Variants in CCDC102B observed in about 807,000 individuals in gnomAD.
CCDC102B encodes the protein coiled-coil domain containing 102B.
CCDC102B carries 75 observed loss-of-function variants against 57.4 expected under a neutral mutation model. The observed-to-expected ratio is 1.31, with a 90% confidence interval of 1.08 to 1.58. The LOEUF (loss-of-function observed/expected upper bound fraction) is 1.58. Among genes scored for constraint, CCDC102B ranks in the 40% most tolerant of loss-of-function variants. The probability of loss-of-function intolerance (pLI) is 0.00; values close to 1 mark genes in which losing one functional copy is unlikely to be tolerated. For synonymous variants in CCDC102B, 206 were observed against 201.9 expected, an observed-to-expected ratio of 1.02 and a Z score of -0.17; for missense variants, 636 against 582.6, an observed-to-expected ratio of 1.09 and a Z score of -0.94.
upstream of CCDC102B, among the ~76,000 whole-genome samples, chr18:68,795,025 TAAA>T (rs5825874): frequency 5.9e-5 from 8 of 134,534 alleles, no homozygotes; most frequent in Admixed American, 1.5e-4. Context: ...AACTCGCCAG[TAAA>T]AAAAAAAAAA....
chr18:68,990,428 A>G (rs2050833549), intron 6 of CCDC102B, among the ~76,000 whole-genome samples: 1 of 152,108 alleles, frequency 6.6e-6, no homozygotes, highest in African/African-American at 2.4e-5. Flanking sequence ...TTGTTTAGGG[A>G]GGTGGGAAGA....
chr18:68,911,443 G>A (rs901085321), intron 6 of CCDC102B, among the ~76,000 whole-genome samples: 1 of 152,098 alleles, frequency 6.6e-6, no homozygotes, highest in African/African-American at 2.4e-5. Flanking sequence ...GGAGGGTGGT[G>A]GGTGGGAGGA....
chr18:69,000,003 A>T (rs2051158424), intron 6 of CCDC102B, among the ~76,000 whole-genome samples: 1 of 152,204 alleles, frequency 6.6e-6, no homozygotes, highest in Non-Finnish European at 1.5e-5. Context: ...GGAATTGTAG[A>T]AAAGAAATGT....
intron 1 of CCDC102B, among the ~76,000 whole-genome samples, chr18:68,803,481 G>A (rs562254789): frequency 3.5e-4 from 53 of 152,278 alleles, no homozygotes; most frequent in African/African-American, 1.2e-3. Context: ...CTTCTGTTAG[G>A]GTGAAGGATG....
rs142369602 is a variant in CCDC102B, at chr18:68,973,345, G to T, written c.1264-37589G>T. Among the ~76,000 whole-genome samples the T allele has an allele frequency of 2.7e-3, 406 of 152,162 alleles. 1 individual carries two copies. Among genetic ancestry groups the T allele is most frequent in the African/African-American group, 9.1e-3 (378 of 41,528 alleles). On this transcript the variant is annotated intron_variant, in intron 6 of 7. Coordinates refer to ENST00000360242, the MANE Select transcript of CCDC102B (RefSeq NM_024781.3). The stretch of plus-strand genomic sequence containing the variant: ...TTCAGGGAAATGTATAAATCACATA[G>T]TCCAAAAATAATAAATCAATTTTGT...
chr18:69,006,318 T>C (rs2051340086), intron 6 of CCDC102B, among the ~76,000 whole-genome samples: 1 of 152,180 alleles, frequency 6.6e-6, no homozygotes, highest in African/African-American at 2.4e-5. Flanking sequence ...AATGAGTGTG[T>C]GGGGAGATTC....
At chr18:68,794,386 C>T (rs1415208257), upstream of CCDC102B, among the ~76,000 whole-genome samples, 1 of 152,100 alleles carries the variant, frequency 6.6e-6, no homozygotes, top group African/African-American at 2.4e-5. Flanking sequence ...GGCAAAACTG[C>T]ACCACACAGC....
chr18:69,006,401 ATTT>A (rs1357306100), intron 6 of CCDC102B, among the ~76,000 whole-genome samples: 1 of 74,984 alleles, frequency 1.3e-5, no homozygotes, highest in East Asian at 4.1e-4. Context: ...AGATTTATTT[ATTT>A]ATTTATTTAT....
intron 7 of CCDC102B, among the ~76,000 whole-genome samples, chr18:69,052,572 A>G (rs957135922): frequency 6.6e-6 from 1 of 151,938 alleles, no homozygotes; most frequent in Non-Finnish European, 1.5e-5. Flanking sequence ...AAAGATCATC[A>G]TTAGGTAATT....
chr18:68,746,006 A>G (rs979565295), intron 2 of CCDC102B, among the ~76,000 whole-genome samples: 2 of 152,160 alleles, frequency 1.3e-5, no homozygotes, highest in Non-Finnish European at 2.9e-5. Flanking sequence ...TCCTGTATTT[A>G]TCTCATACAC....
At chr18:68,819,725 A>C (rs1280938740) in intron 1 of CCDC102B, among the ~76,000 whole-genome samples, 5 of 151,930 alleles carry the variant, frequency 3.3e-5, no homozygotes, top group Admixed American at 3.3e-4. Flanking sequence ...ATATTCCTTC[A>C]CTTATTTAGA....
chr18:68,825,580 C>G (rs1467859306), intron 1 of CCDC102B, among the ~76,000 whole-genome samples: 2 of 151,996 alleles, frequency 1.3e-5, no homozygotes, highest in Non-Finnish European at 2.9e-5. Flanking sequence ...GCCCCAGCTA[C>G]TCATGAGGCT....
Position 68,799,959 on chromosome 18 carries a change from A to G in CCDC102B, c.-16+1778A>G, listed in dbSNP as rs74846234. On this transcript the variant is annotated intron_variant, in intron 1 of 7. Coordinates refer to ENST00000360242, the MANE Select transcript of CCDC102B (RefSeq NM_024781.3). ...AAAGGGGACAATTGCAAGTTTCTGAAAAGAGGTGGAGTATCTGTGCCTCTT... is the reference window on the plus strand; with the variant it reads ...AAAGGGGACAATTGCAAGTTTCTGAGAAGAGGTGGAGTATCTGTGCCTCTT... Among the ~76,000 whole-genome samples the G allele has an allele frequency of 8.7e-3, 1,326 of 152,218 alleles. 26 individuals carry two copies. The highest frequency in any genetic ancestry group is 0.03 in the African/African-American group (1,249 of 41,514).
chr18:68,940,109 A>C (rs55641814), intron 6 of CCDC102B, among the ~76,000 whole-genome samples: 9 of 151,838 alleles, frequency 5.9e-5, no homozygotes, highest in South Asian at 2.1e-4. Context: ...ATACAGAAGA[A>C]ATATCTGATG....
At chr18:68,769,248 C>T (rs1404024310) in intron 2 of CCDC102B, among the ~76,000 whole-genome samples, 1 of 147,152 alleles carries the variant, frequency 6.8e-6, no homozygotes, top group Non-Finnish European at 1.5e-5. Flanking sequence ...AGTGAAACTC[C>T]ACCTCGAAAA....
chr18:68,976,542 A>G (rs1278663853), intron 6 of CCDC102B, among the ~76,000 whole-genome samples: 1 of 151,984 alleles, frequency 6.6e-6, no homozygotes, highest in Non-Finnish European at 1.5e-5. Flanking sequence ...TGCAATTGCT[A>G]TGTCGAATGT....
intron 2 of CCDC102B, among the ~76,000 whole-genome samples, chr18:68,765,293 AAAGGAAGGAAGG>A (rs149557152): frequency 0.051 from 5,267 of 103,790 alleles, 291 homozygotes; most frequent in East Asian, 0.11. Context: ...GAAAAGAAAG[AAAGGAAGGAAGG>A]AAGGAAGGAA....
intron 2 of CCDC102B, among the ~76,000 whole-genome samples, chr18:68,752,799 T>A (rs1475370898): frequency 6.6e-6 from 1 of 152,192 alleles, no homozygotes; most frequent in Non-Finnish European, 1.5e-5. Flanking sequence ...AACAATCTTA[T>A]CTTTAGAGGT....
intron 7 of CCDC102B, among the ~76,000 whole-genome samples, chr18:69,047,542 G>A (rs767378670): frequency 1.3e-5 from 2 of 152,046 alleles, no homozygotes; most frequent in Non-Finnish European, 2.9e-5. Flanking sequence ...CCTGACTAGA[G>A]CTATCAGGCA....
Sources: gnomAD v4.1 joint callset for allele counts (sites outside exome capture counted in the v4.1 genomes callset) on GRCh38, gnomAD v4.1.1 for gene constraint, MANE v1.5 for transcripts, NCBI Gene and HGNC (gene_info 2026-07-23, HGNC 2026-07-21) for gene names.